Variants in POLA2 observed in about 807,000 individuals in gnomAD.
The protein encoded by POLA2 is DNA polymerase alpha 2, accessory subunit, also known as DNA polymerase alpha subunit B.
In POLA2, 47 loss-of-function variants were observed where a neutral mutation model predicts 82.8. That is an observed-to-expected ratio of 0.57 (90% CI 0.45 to 0.72). The LOEUF is 0.72. POLA2 is among the 30% of genes least tolerant of loss of function. The pLI is 0.00. For missense variants in POLA2, 634 were observed against 728.1 expected (o/e 0.87, Z 1.49); for synonymous variants, 287 against 286.8 (o/e 1.00, Z -0.01).
At chr11:65,265,143 C>G (rs141768551) in intron 1 of POLA2, among the ~76,000 whole-genome samples, 1 of 151,600 alleles carries the variant, frequency 6.6e-6, no homozygotes, top group African/African-American at 2.4e-5. Flanking sequence ...ACAGGAGAAT[C>G]GCTTGAATCG....
At chr11:65,304,416 AACCCACCCATCCACCCAACCATCC>A (rs1949875564) in intron 8 of POLA2, among the ~76,000 whole-genome samples, 1 of 118,878 alleles carries the variant, frequency 8.4e-6, no homozygotes, top group Non-Finnish European at 1.8e-5. Flanking sequence ...CCCACCCATC[AACCCACCCATCCACCCAACCATCC>A]ACCCACCCAC....
At chr11:65,282,345 T>C in intron 9 of POLA2, 134 bp from the exon 10 acceptor site, 2 of 720,870 alleles carry the variant, frequency 2.8e-6, no homozygotes, top group Non-Finnish European at 5.0e-6. Flanking sequence ...GGCACATCCT[T>C]CCCCTGCCCT....
At chr11:65,305,859 C>T (rs895271103), downstream of POLA2, among the ~76,000 whole-genome samples, 1 of 152,186 alleles carries the variant, frequency 6.6e-6, no homozygotes, top group African/African-American at 2.4e-5. Flanking sequence ...GAAGGTCCCT[C>T]TGCCAAGAAG....
At chr11:65,270,463 G>T (rs895990068) in intron 4 of POLA2, among the ~76,000 whole-genome samples, 1 of 152,318 alleles carries the variant, frequency 6.6e-6, no homozygotes, top group Non-Finnish European at 1.5e-5. Flanking sequence ...AATATTAAAA[G>T]AAATAATTAG....
chr11:65,274,744 A>T (rs1291881776), intron 4 of POLA2, among the ~76,000 whole-genome samples: 1 of 152,190 alleles, frequency 6.6e-6, no homozygotes, highest in Non-Finnish European at 1.5e-5. Context: ...GAGTGAAAAA[A>T]TTCAGCACAT....
intron 15 of POLA2, 146 bp from the exon 16 acceptor site, chr11:65,295,393 CT>C: frequency 5.7e-6 from 4 of 696,832 alleles, no homozygotes; most frequent in Non-Finnish European, 1.0e-5. Flanking sequence ...GTGGGTGGGT[CT>C]TTAAACTTCC....
chr11:65,303,521 C>CAT (rs1949869482), downstream of POLA2, among the ~76,000 whole-genome samples: 3 of 149,464 alleles, frequency 2.0e-5, no homozygotes, highest in Non-Finnish European at 4.5e-5. Flanking sequence ...GACTCAGTCT[C>CAT]AAAAAAAAAG....
intron 15 of POLA2, among the ~76,000 whole-genome samples, chr11:65,295,269 G>A (rs1225452297): frequency 2.0e-5 from 3 of 152,234 alleles, no homozygotes; most frequent in African/African-American, 7.2e-5. Flanking sequence ...CTCTTGCACA[G>A]TACGGTGCTG....
intron 13 of POLA2, 56 bp from the exon 14 acceptor site, chr11:65,294,097 C>G: frequency 6.8e-7 from 1 of 1,468,404 alleles, no homozygotes; most frequent in Non-Finnish European, 9.5e-7. Context: ...CGCAGCTGTT[C>G]TAACTCAACT....
rs1397406928 is a variant in POLA2, at chr11:65,297,377, G to C, written c.*108G>C. ...AACAGTTGGGTGGGAAAGGAGAGAG[G>C]AGCCAGCCAGGGAGGGGCAGCTGCA... On this transcript the variant is annotated 3_prime_UTR_variant, in exon 18 of 18. Transcript: ENST00000265465. 6 of 1,329,492 alleles carry C rather than the reference G, an allele frequency of 4.5e-6. No homozygotes were observed. The highest frequency in any genetic ancestry group is 1.6e-5 in the South Asian group (1 of 63,724). The allele number at this position is 1,329,492 out of a possible 1,614,324, so 82.4% of individuals were successfully genotyped here.
At chr11:65,275,823 A>G in intron 4 of POLA2, 69 bp from the exon 5 acceptor site, 1 of 800,344 alleles carries the variant, frequency 1.2e-6, no homozygotes, top group Admixed American at 2.5e-5. Flanking sequence ...TTTTCTTCCA[A>G]GGTACTATAC....
chr11:65,294,411 G>A (rs1949788140), intron 14 of POLA2, 135 bp from the exon 15 acceptor site: 1 of 975,146 alleles, frequency 1.0e-6, no homozygotes, highest in Admixed American at 2.0e-5. Flanking sequence ...AGGCAAATGT[G>A]TCCAAAAGCT....
intron 11 of POLA2, 128 bp downstream of exon 11, chr11:65,287,968 T>A: frequency 1.0e-6 from 1 of 1,002,890 alleles, no homozygotes; most frequent in East Asian, 2.7e-5. Flanking sequence ...TTAATCTACA[T>A]CTTTGGAGAG....
At chr11:65,270,308 A>T (rs1949509053) in intron 4 of POLA2, among the ~76,000 whole-genome samples, 1 of 152,168 alleles carries the variant, frequency 6.6e-6, no homozygotes, top group African/African-American at 2.4e-5. Flanking sequence ...GTGACCAGAG[A>T]TCATGCCGCT....
rs935936799 is a variant in POLA2 at position 65,297,364 on chromosome 11, G to A, written c.*95G>A. Reference sequence around the variant, plus strand: ...CTGTGACAAGGTGAACAGTTGGGTGGGAAAGGAGAGAGGAGCCAGCCAGGG... The same window carrying A: ...CTGTGACAAGGTGAACAGTTGGGTGAGAAAGGAGAGAGGAGCCAGCCAGGG... On this transcript the variant is annotated 3_prime_UTR_variant, in exon 18 of 18. Transcript: ENST00000265465. The A allele has an allele frequency of 9.2e-6, 13 of 1,410,936 alleles. No homozygotes were observed. In the African/African-American group the frequency reaches 1.3e-4, roughly 14 times the overall value. 87.4% of individuals were successfully genotyped at this position (1,410,936 alleles called of 1,614,324 possible).
intron 17 of POLA2, 86 bp downstream of exon 17, chr11:65,296,076 T>G: frequency 6.8e-7 from 1 of 1,476,700 alleles, no homozygotes; most frequent in Non-Finnish European, 9.4e-7. Context: ...TCACCCCTCA[T>G]GGGTCAGCTG....
At chr11:65,273,569 G>A (rs544617729) in intron 4 of POLA2, among the ~76,000 whole-genome samples, 1 of 152,244 alleles carries the variant, frequency 6.6e-6, no homozygotes, top group East Asian at 1.9e-4. Context: ...CACAACACTG[G>A]CCGTGGAGTG....
In POLA2 at chr11:65,289,795, G is replaced by A. The variant is rs777345474; in HGVS notation, c.1171-4G>A. The A allele has an allele frequency of 1.3e-6, 2 of 1,593,118 alleles. No individual in the cohort carries two copies. The highest frequency in any genetic ancestry group is 4.5e-5 in the East Asian group (2 of 44,746). On this transcript the variant is annotated splice_polypyrimidine_tract_variant and splice_region_variant and intron_variant, in intron 12 of 17. Coordinates refer to ENST00000265465, the MANE Select transcript of POLA2 (RefSeq NM_002689.4). ...CTAAATCTGTCTCCTTTCCTTTCTT[G>A]CAGAATTGTCTACTGACAAGTCCAT...
At chr11:65,305,682 A>G, downstream of POLA2, 1 of 276,616 alleles carries the variant, frequency 3.6e-6, no homozygotes, top group East Asian at 1.2e-4. Context: ...CCCTGTCTCT[A>G]AAATAACAAT....
Sources: allele counts gnomAD v4.1 joint callset (sites outside exome capture counted in the v4.1 genomes callset), GRCh38; gene constraint gnomAD v4.1.1; transcripts MANE v1.5; gene names NCBI Gene and HGNC (gene_info 2026-07-23, HGNC 2026-07-21).